The following PACSIN2 variants were observed in gnomAD, a reference collection of about 807,000 sequenced individuals.
PACSIN2 encodes the protein protein kinase C and casein kinase substrate in neurons 2.
PACSIN2 carries 25 observed loss-of-function variants against 63.8 expected under a neutral mutation model. The ratio of observed to expected loss-of-function variants is 0.39; its 90% CI spans 0.29 to 0.55. The LOEUF (loss-of-function observed/expected upper bound fraction) is 0.55. PACSIN2 is among the 20% of genes least tolerant of loss of function. PACSIN2 has a pLI of 0.62. For synonymous variants in PACSIN2, 255 were observed against 256.2 expected (o/e 1.00, Z 0.05); for missense variants, 518 against 646.9 (o/e 0.80, Z 2.16).
At chr22:42,931,851 C>A (rs770466280) in intron 1 of PACSIN2, among the ~76,000 whole-genome samples, 25 of 152,130 alleles carry the variant, frequency 1.6e-4, no homozygotes, top group Admixed American at 4.6e-4. Context: ...CACAAAACCC[C>A]CAATTGTAAG....
intron 4 of PACSIN2, among the ~76,000 whole-genome samples, 160 bp from the exon 5 acceptor site, chr22:42,888,958 C>T (rs945682740): frequency 6.6e-5 from 10 of 152,176 alleles, no homozygotes; most frequent in African/African-American, 9.7e-5. Flanking sequence ...ACAACAGGAA[C>T]GCACTCAACA....
intron 7 of PACSIN2, among the ~76,000 whole-genome samples, chr22:42,880,276 G>A (rs539378556): frequency 2.4e-4 from 36 of 152,220 alleles, no homozygotes; most frequent in Non-Finnish European, 4.4e-4. Flanking sequence ...CACGCAGTGT[G>A]GGTGGCAGAC....
intron 4 of PACSIN2, among the ~76,000 whole-genome samples, chr22:42,890,743 T>C (rs1929843457): frequency 6.6e-6 from 1 of 152,132 alleles, no homozygotes; most frequent in Non-Finnish European, 1.5e-5. Flanking sequence ...ATTTAAAGAA[T>C]GCACATAGAG....
chr22:42,875,755 C>T (rs1317443004), intron 10 of PACSIN2, among the ~76,000 whole-genome samples: 4 of 151,886 alleles, frequency 2.6e-5, no homozygotes, highest in African/African-American at 7.3e-5. Flanking sequence ...AGGCTGGGCT[C>T]GAACTCCTGA....
chr22:42,912,121 G>C lies in PACSIN2; in HGVS notation c.-41C>G. On this transcript the variant is annotated 5_prime_UTR_variant, in exon 2 of 11. Transcript: ENST00000263246. ...GGGAGCAGCAAAGTATACTTAGTCA[G>C]GGGTCAACTTCGAACGCTCAAAATC... The C allele has an allele frequency of 6.9e-7, 1 of 1,451,760 alleles. No homozygotes were observed. Among genetic ancestry groups the C allele is most frequent in the East Asian group, 2.4e-5 (1 of 41,888 alleles). The allele number at this position is 1,451,760 out of a possible 1,614,324, so 89.9% of individuals were successfully genotyped here.
At chr22:43,009,079 C>T (rs986210243) in intron 1 of PACSIN2, among the ~76,000 whole-genome samples, 13 of 152,296 alleles carry the variant, frequency 8.5e-5, no homozygotes, top group Admixed American at 7.8e-4. Flanking sequence ...AAATAGTTTC[C>T]TCTACGAGTG....
At chr22:42,947,213 C>T (rs1933462151) in intron 1 of PACSIN2, among the ~76,000 whole-genome samples, 1 of 152,158 alleles carries the variant, frequency 6.6e-6, no homozygotes, top group South Asian at 2.1e-4. Flanking sequence ...TAGGGGCATT[C>T]ACAGGCGGCA....
chr22:42,871,568 G>A lies in PACSIN2; in HGVS notation c.1349-99C>T, dbSNP rs1928132407. On this transcript the variant is annotated intron_variant, in intron 10 of 10. Transcript: ENST00000263246. This position sits in a 1 kb window ranked among gnomAD's most constrained non-coding sequence, Gnocchi z 5.4. ...GCTTTGAGCCCACAGAGGGTGGAGG[G>A]CCAGGCATTCTGTGGCGGGCAGGCC... 2.2e-6 allele frequency: 2 copies of A among 929,432 alleles called. No homozygotes were observed. Among genetic ancestry groups the A allele is most frequent in the Admixed American group, 1.8e-5 (1 of 55,578 alleles). The allele number at this position is 929,432 out of a possible 1,614,324, so 57.6% of individuals were successfully genotyped here. A position where few individuals can be genotyped will look rare whatever the true frequency, so the allele number is the denominator to read the frequency against.
rs187921557 is a variant in PACSIN2 at position 42,927,862 on chromosome 22, C to T, written c.-77-15705G>A. ...TCAGCCTCCCAAAGTGCTACAATTA[C>T]AGGCGTGAGCCACCGTGCCCGGCCT... is the stretch of plus-strand genomic sequence containing the variant. On this transcript the variant is annotated intron_variant, in intron 1 of 10. Transcript: ENST00000263246. Among the ~76,000 whole-genome samples the T allele has an allele frequency of 4.0e-3, 605 of 152,328 alleles. 3 individuals carry two copies. Among genetic ancestry groups the T allele is most frequent in the Non-Finnish European group, 6.4e-3 (438 of 68,016 alleles).
intron 1 of PACSIN2, among the ~76,000 whole-genome samples, chr22:43,014,422 T>A (rs1168098958): frequency 8.6e-6 from 1 of 116,114 alleles, no homozygotes; most frequent in Non-Finnish European, 1.8e-5. Flanking sequence ...AGGCCGCTCA[T>A]CAAAGCGCCC....
chr22:42,914,240 AT>A (rs113816756), intron 1 of PACSIN2, among the ~76,000 whole-genome samples: 32 of 148,538 alleles, frequency 2.2e-4, no homozygotes, highest in East Asian at 7.9e-4. Flanking sequence ...TCTCACAGTA[AT>A]TTTTTTTTTT....
intron 1 of PACSIN2, among the ~76,000 whole-genome samples, chr22:43,007,892 TC>T (rs1362302733): frequency 1.3e-5 from 2 of 152,054 alleles, no homozygotes; most frequent in East Asian, 3.9e-4. Context: ...CCACAGATGC[TC>T]CCTCCACATG....
intron 8 of PACSIN2, among the ~76,000 whole-genome samples, chr22:42,878,390 GC>G (rs1345851145): frequency 6.6e-6 from 1 of 152,200 alleles, no homozygotes; most frequent in Non-Finnish European, 1.5e-5. Flanking sequence ...TTCTTAGGAA[GC>G]CCCCGTATGA....
At position 42,876,159 on chromosome 22, in the gene PACSIN2, A is replaced by T; in HGVS notation, c.1326T>A (p.His442Gln). The T allele has an allele frequency of 6.2e-7, 1 of 1,613,534 alleles. No individual in the cohort carries two copies. The highest frequency in any genetic ancestry group is 8.5e-7 in the Non-Finnish European group (1 of 1,179,478). ...RALYDYEGQE[H>Q]DELSFKAGDE... ...TACCAGCCTTGAAGCTCAGCTCATC[A>T]TGCTCCTGCCCCTCATAGTCATACA... The change falls in exon 10 of 11, where the codon CAT (histidine) becomes CAA (glutamine). Residue 442 changes from histidine (H) to glutamine (Q), a missense_variant. His to Gln is a conservative substitution (Grantham distance 24). Coordinates refer to ENST00000263246, the MANE Select transcript of PACSIN2 (RefSeq NM_001184970.3).
chr22:42,983,619 G>A lies in PACSIN2; in HGVS notation c.-78+31402C>T, dbSNP rs537756784. 4.5e-4 allele frequency among the ~76,000 whole-genome samples: 69 copies of A among 152,200 alleles called. 1 individual carries two copies. Among genetic ancestry groups the A allele is most frequent in the Admixed American group, 2.0e-3 (30 of 15,276 alleles). Reference sequence around the variant, plus strand: ...AAAGGACAATAAAAGATTGACATATGAGAATATATCAATTTTTTGTTTTTA... The same window carrying A: ...AAAGGACAATAAAAGATTGACATATAAGAATATATCAATTTTTTGTTTTTA... On this transcript the variant is annotated intron_variant, in intron 1 of 10. Transcript: ENST00000263246.
intron 2 of PACSIN2, 119 bp from the exon 3 acceptor site, chr22:42,893,732 C>T (rs2076158): frequency 0.13 from 116,746 of 928,294 alleles, 16,785 homozygotes; most frequent in East Asian, 0.61. Flanking sequence ...GTTTACCACA[C>T]CCCTCTCCAA....
intron 1 of PACSIN2, among the ~76,000 whole-genome samples, chr22:42,936,514 C>G (rs1371003971): frequency 6.6e-6 from 1 of 152,126 alleles, no homozygotes; most frequent in African/African-American, 2.4e-5. Context: ...GAAGCATAGG[C>G]AAAGGCAAAG....
Position 42,876,400 on chromosome 22 carries a change from G to A in PACSIN2, c.1152-67C>T, listed in dbSNP as rs951507712. 5.8e-5 allele frequency: 80 copies of A among 1,385,868 alleles called. No homozygotes were observed. In the African/African-American group the frequency reaches 9.3e-4, roughly 16 times the overall value. 85.8% of individuals were successfully genotyped at this position (1,385,868 alleles called of 1,614,324 possible). ...GCAGAGGGTGTGAGGCCCCCGCCCC[G>A]CAAGGGGAGGGCACTGGAGCCTTGG... On this transcript the variant is annotated intron_variant, in intron 9 of 10. Transcript: ENST00000263246.
At position 42,879,063 on chromosome 22, in the gene PACSIN2, G is replaced by A. The variant is rs767918786; in HGVS notation, c.1013C>T (p.Pro338Leu). Residue 338 changes from proline to leucine, a missense_variant, in exon 8 of 11, where the codon CCG (proline) becomes CTG (leucine). Transcript: ENST00000263246. Reference protein sequence around the residue: ...GINQTGDQSLPSKPSSTLNVP... With the variant: ...GINQTGDQSLLSKPSSTLNVP... The stretch of plus-strand genomic sequence containing the variant: ...GCCCACTCACCTGCTGGGCTTACTC[G>A]GCAGAGACTGGTCGCCTGTCTGGTT... The A allele has an allele frequency of 1.8e-5, 29 of 1,613,824 alleles. No individual in the cohort carries two copies. The South Asian group carries it at 2.2e-4, about 12-fold the overall frequency.
Sources: allele counts gnomAD v4.1 joint callset (sites outside exome capture counted in the v4.1 genomes callset), GRCh38; gene constraint gnomAD v4.1.1; non-coding constraint Gnocchi (gnomAD v3.1); transcripts MANE v1.5; gene names NCBI Gene and HGNC (gene_info 2026-07-23, HGNC 2026-07-21).